ANKFN1: variants seen among roughly 807,000 people sequenced by gnomAD.
ANKFN1 encodes ankyrin repeat and fibronectin type-III domain-containing protein 1.
ANKFN1 carries 74 observed loss-of-function variants against 108.7 expected under a neutral mutation model. The observed-to-expected ratio is 0.68, with a 90% CI of 0.56 to 0.83. The LOEUF (loss-of-function observed/expected upper bound fraction) is 0.83, where lower values mean the gene tolerates loss of function less well. ANKFN1 is among the 40% of genes least tolerant of loss of function. ANKFN1 has a pLI of 0.00. For missense variants in ANKFN1, 1,505 were observed against 1,382.3 expected (o/e 1.09, Z -1.41); for synonymous variants, 547 against 516.2 (o/e 1.06, Z -0.81).
chr17:56,209,323 A>G (rs1914783650), intron 1 of ANKFN1, among the ~76,000 whole-genome samples: 1 of 152,184 alleles, frequency 6.6e-6, no homozygotes, highest in South Asian at 2.1e-4. Context: ...TATGAAGCCA[A>G]TATCACCCAA....
At chr17:56,094,809 A>G (rs948329947) in intron 4 of ANKFN1, among the ~76,000 whole-genome samples, 1 of 150,134 alleles carries the variant, frequency 6.7e-6, no homozygotes, top group Non-Finnish European at 1.5e-5. Flanking sequence ...CATGAGCCAT[A>G]GCGCCCAGCC....
intron 8 of ANKFN1, among the ~76,000 whole-genome samples, chr17:56,439,822 A>C (rs1197453648): frequency 6.6e-6 from 1 of 152,182 alleles, no homozygotes; most frequent in Non-Finnish European, 1.5e-5. Flanking sequence ...GAGCGAATAG[A>C]AGGTAATGTC....
At chr17:56,306,431 T>C (rs909209959) in intron 3 of ANKFN1, among the ~76,000 whole-genome samples, 3 of 152,132 alleles carry the variant, frequency 2.0e-5, no homozygotes, top group African/African-American at 7.2e-5. Context: ...TATACACCAA[T>C]AACAGACAAA....
At chr17:56,466,297 G>C in intron 14 of ANKFN1, 59 bp from the exon 15 acceptor site, 1 of 1,445,788 alleles carries the variant, frequency 6.9e-7, no homozygotes, top group Non-Finnish European at 9.7e-7. Flanking sequence ...TTTTGTTGCC[G>C]TTGTGTTGCT....
chr17:56,259,473 C>T (rs549248564), intron 3 of ANKFN1, among the ~76,000 whole-genome samples: 1 of 152,188 alleles, frequency 6.6e-6, no homozygotes, highest in African/African-American at 2.4e-5. Flanking sequence ...CTTCAGGAGC[C>T]CAATTTTCTA....
chr17:56,179,544 T>G (rs781115272), intron 1 of ANKFN1, among the ~76,000 whole-genome samples: 34 of 152,200 alleles, frequency 2.2e-4, no homozygotes, highest in Non-Finnish European at 3.7e-4. Flanking sequence ...GGCAGCAGAA[T>G]GAGCTTTGGC....
At chr17:56,136,789 A>G (rs115093935) in intron 4 of ANKFN1, among the ~76,000 whole-genome samples, 1,664 of 152,338 alleles carry the variant, frequency 0.011, 26 homozygotes, top group African/African-American at 0.037. Context: ...GCCTATGACT[A>G]GAACATATGA....
chr17:56,165,216 T>C (rs562909042), intron 1 of ANKFN1, among the ~76,000 whole-genome samples: 1 of 152,348 alleles, frequency 6.6e-6, no homozygotes, highest in African/African-American at 2.4e-5. Context: ...ACGTAGGACC[T>C]GTTTCTTGCT....
chr17:56,128,046 C>T (rs1907040512), intron 4 of ANKFN1, among the ~76,000 whole-genome samples: 1 of 152,190 alleles, frequency 6.6e-6, no homozygotes, highest in Admixed American at 6.5e-5. Flanking sequence ...CACCAGTCCT[C>T]TCCCCTTTTC....
At chr17:56,465,135 A>C (rs1365225425) in intron 14 of ANKFN1, among the ~76,000 whole-genome samples, 1 of 152,050 alleles carries the variant, frequency 6.6e-6, no homozygotes, top group Non-Finnish European at 1.5e-5. Context: ...GTTTACCAGC[A>C]TCACACTGCT....
At chr17:56,282,701 C>A (rs1436526749) in intron 3 of ANKFN1, among the ~76,000 whole-genome samples, 1 of 152,046 alleles carries the variant, frequency 6.6e-6, no homozygotes, top group Non-Finnish European at 1.5e-5. Context: ...ATGCAGCACC[C>A]TTTAACCCAC....
At chr17:56,076,559 A>G (rs1466514149) in intron 4 of ANKFN1, among the ~76,000 whole-genome samples, 2 of 152,138 alleles carry the variant, frequency 1.3e-5, no homozygotes, top group African/African-American at 4.8e-5. Flanking sequence ...CCATCTCTAA[A>G]TCCACATTGC....
intron 8 of ANKFN1, among the ~76,000 whole-genome samples, chr17:56,433,579 GA>G (rs2145125823): frequency 6.6e-6 from 1 of 152,156 alleles, no homozygotes; most frequent in East Asian, 1.9e-4. Context: ...CTCAGAAATG[GA>G]AAAACCAAAC....
chr17:56,452,319 A>G (rs1166390097), intron 11 of ANKFN1, among the ~76,000 whole-genome samples: 1 of 152,144 alleles, frequency 6.6e-6, no homozygotes, highest in African/African-American at 2.4e-5. Context: ...TTGCTTCAGA[A>G]CTCCAAACCA....
intron 1 of ANKFN1, among the ~76,000 whole-genome samples, chr17:56,212,126 G>A (rs1185796222): frequency 6.6e-6 from 1 of 151,668 alleles, no homozygotes; most frequent in African/African-American, 2.4e-5. Context: ...CCAGTTCTCG[G>A]GGGAATGCTT....
intron 1 of ANKFN1, among the ~76,000 whole-genome samples, chr17:56,159,947 G>T (rs1311655789): frequency 1.3e-5 from 2 of 151,842 alleles, no homozygotes; most frequent in East Asian, 1.9e-4. Flanking sequence ...GACCAGGGGT[G>T]GGGGCAGGGC....
intron 4 of ANKFN1, among the ~76,000 whole-genome samples, chr17:56,048,528 C>T (rs1213213334): frequency 6.6e-6 from 1 of 152,072 alleles, no homozygotes; most frequent in Non-Finnish European, 1.5e-5. Flanking sequence ...TACTGGCCCC[C>T]TTTTTTAAAA....
intron 3 of ANKFN1, among the ~76,000 whole-genome samples, chr17:56,232,764 A>G (rs574899951): frequency 5.9e-5 from 9 of 152,114 alleles, no homozygotes; most frequent in Non-Finnish European, 8.8e-5. Flanking sequence ...CATTAACTCA[A>G]TCAACAGAAT....
At chr17:56,128,734 A>G (rs1907089479) in intron 4 of ANKFN1, among the ~76,000 whole-genome samples, 1 of 152,232 alleles carries the variant, frequency 6.6e-6, no homozygotes, top group Non-Finnish European at 1.5e-5. Flanking sequence ...TACTTAATCC[A>G]GGGATTCTCA....
Sources: gnomAD v4.1 joint callset for allele counts (sites outside exome capture counted in the v4.1 genomes callset) on GRCh38, gnomAD v4.1.1 for gene constraint, MANE v1.5 for transcripts, NCBI Gene and HGNC (gene_info 2026-07-23, HGNC 2026-07-21) for gene names.